TYMP: variants seen among roughly 807,000 people sequenced by gnomAD.
TYMP encodes gliostatin.
A neutral mutation model predicts 42.3 loss-of-function variants in TYMP; 46 were observed. The ratio of observed to expected loss-of-function variants is 1.09; its 90% confidence interval spans 0.86 to 1.39. TYMP has a LOEUF of 1.39. Among genes scored for constraint, TYMP ranks in the 40% most tolerant of loss-of-function variants. The pLI is 0.00. For synonymous variants in TYMP, 363 were observed against 308.0 expected (o/e 1.18, Z -1.87); for missense variants, 837 against 677.6 (o/e 1.24, Z -2.61).
Position 50,525,816 on chromosome 22 carries a change from G to A in TYMP, c.1403C>T (p.Ala468Val). The A allele has an allele frequency of 6.2e-7, 1 of 1,610,328 alleles. No individual in the cohort carries two copies. Among genetic ancestry groups the A allele is most frequent in the Non-Finnish European group, 8.5e-7 (1 of 1,178,880 alleles). The change falls in exon 10 of 10, where the codon GCC becomes GTC. Residue 468 changes from alanine (A) to valine (V), a missense_variant. By Grantham distance (64) the Ala-to-Val change is moderately conservative. Coordinates refer to ENST00000252029, the MANE Select transcript of TYMP (RefSeq NM_001953.5). ...ALVLSDRAPF[A>V]APSPFAELVL... Reference sequence around the variant, plus strand: ...GAGCTCTGCGAAGGGCGAGGGGGCGGCGAATGGCGCGCGGTCGGAGAGTAC... The same window carrying A: ...GAGCTCTGCGAAGGGCGAGGGGGCGACGAATGGCGCGCGGTCGGAGAGTAC...
intron 4 of TYMP, chr22:50,528,044 C>T (rs1378158837): frequency 9.8e-6 from 4 of 408,272 alleles, no homozygotes; most frequent in African/African-American, 2.0e-5. Context: ...CAGGGTCTCA[C>T]TCTGTTGCCC....
chr22:50,528,598 T>C lies in TYMP; in HGVS notation c.430A>G (p.Ser144Gly). The C allele has an allele frequency of 1.2e-6, 2 of 1,613,670 alleles. No homozygotes were observed. The highest frequency in any genetic ancestry group is 2.2e-5 in the South Asian group (2 of 91,000). ...CCTGTGTGCCCCAGACCACGTCCGCTGATCATTGGCACCTGGTGGTCAGGG... is the reference window on the plus strand; with the variant it reads ...CCTGTGTGCCCCAGACCACGTCCGCCGATCATTGGCACCTGGTGGTCAGGG... The part of the protein sequence containing the change: ...AACGCKVPMI[S>G]GRGLGHTGGT... The change falls in exon 4 of 10, where the codon AGC becomes GGC. Residue 144 changes from serine (S) to glycine (G), a missense_variant. Physicochemically the swap from Ser to Gly is moderately conservative, Grantham distance 56. Coordinates refer to ENST00000252029, the MANE Select transcript of TYMP (RefSeq NM_001953.5).
Position 50,525,759 on chromosome 22 carries a change from G to A in TYMP, c.*11C>T, listed in dbSNP as rs919656439. On this transcript the variant is annotated 3_prime_UTR_variant, in exon 10 of 10. Transcript: ENST00000252029. ...GCCCAAGCACTGACAAGGTTTCGCG[G>A]CAAAGGAGCTTTATTGCTGCGGCGG... The A allele has an allele frequency of 5.6e-6, 9 of 1,609,676 alleles. No homozygotes were observed. The highest frequency in any genetic ancestry group is 2.2e-5 in the East Asian group (1 of 44,744).
intron 6 of TYMP, 25 bp downstream of exon 6, chr22:50,527,140 C>A: frequency 6.3e-7 from 1 of 1,588,502 alleles, no homozygotes; most frequent in Non-Finnish European, 8.6e-7. Flanking sequence ...AAGACGCTTG[C>A]CCAGGGAAAG....
chr22:50,527,156 A>C lies in TYMP; in HGVS notation c.765+9T>G. On this transcript the variant is annotated intron_variant, in intron 6 of 9. Coordinates refer to ENST00000252029, the MANE Select transcript of TYMP (RefSeq NM_001953.5). ...AGACGCTTGCCCAGGGAAAGGCCAC[A>C]CCGCTCACCAGCGTCTTTGCCAGCT... 6.2e-7 allele frequency: 1 copy of C among 1,609,404 alleles called. No individual in the cohort carries two copies. Among genetic ancestry groups the C allele is most frequent in the Non-Finnish European group, 8.5e-7 (1 of 1,177,624 alleles).
chr22:50,526,516 G>A, intron 7 of TYMP, 40 bp from the exon 8 acceptor site: 1 of 1,533,220 alleles, frequency 6.5e-7, no homozygotes, highest in East Asian at 2.5e-5. Flanking sequence ...CCGGGTCGGG[G>A]CGGCCCCAGC....
At chr22:50,527,915 C>G in intron 4 of TYMP, 198 bp from the exon 5 acceptor site, 2 of 626,070 alleles carry the variant, frequency 3.2e-6, no homozygotes, top group South Asian at 3.9e-5. Context: ...GCTGGGACTA[C>G]AGGTGCGCAC....
intron 2 of TYMP, 40 bp from the exon 3 acceptor site, chr22:50,529,378 C>A: frequency 1.2e-6 from 2 of 1,609,022 alleles, no homozygotes; most frequent in Admixed American, 1.7e-5. Flanking sequence ...CAGCCCACAG[C>A]GGTGGGGCAC....
chr22:50,525,961 G>A lies in TYMP; in HGVS notation c.1300+40C>T, dbSNP rs764518504. ...GTTAGAGGCCGCGCGGCCGGAGCTG[G>A]GCGGGGGTGCGGGGCCAGCAGGGCG... On this transcript the variant is annotated intron_variant, in intron 9 of 9. Coordinates refer to ENST00000252029, the MANE Select transcript of TYMP (RefSeq NM_001953.5). 7 of 1,395,214 alleles carry A rather than the reference G, an allele frequency of 5.0e-6. No individual in the cohort carries two copies. In the East Asian group the frequency reaches 1.5e-4, roughly 30 times the overall value. The allele number at this position is 1,395,214 out of a possible 1,614,324, so 86.4% of individuals were successfully genotyped here.
At chr22:50,527,321 A>C in intron 5 of TYMP, 38 bp from the exon 6 acceptor site, 3 of 1,542,380 alleles carry the variant, frequency 1.9e-6, no homozygotes, top group Non-Finnish European at 2.7e-6. Context: ...ACAATGGAGA[A>C]CCTGGAGCTT....
Position 50,526,637 on chromosome 22 carries a change from C to T in TYMP, c.867G>A (p.Glu289=), listed in dbSNP as rs780319410. Residue 289 remains glutamate, a synonymous_variant, in exon 7 of 10, where the codon GAG becomes GAA. Transcript: ENST00000252029. ...CTGCGCCGTCCATGCAGAGCAGCGCCTCCTCCACCTCCAGGGCGTGGCCCA... is the reference window on the plus strand; with the variant it reads ...CTGCGCCGTCCATGCAGAGCAGCGCTTCCTCCACCTCCAGGGCGTGGCCCA... ...RCVGHALEVE[E]ALLCMDGAGP... The T allele has an allele frequency of 8.9e-6, 14 of 1,570,508 alleles. No homozygotes were observed. Among genetic ancestry groups the T allele is most frequent in the East Asian group, 7.1e-5 (3 of 42,488 alleles).
chr22:50,527,417 C>T (rs747444904), intron 5 of TYMP, 134 bp from the exon 6 acceptor site: 11 of 1,270,812 alleles, frequency 8.7e-6, no homozygotes, highest in South Asian at 1.2e-5. Flanking sequence ...GTGGCAGCAC[C>T]TGGTGGGTTG....
chr22:50,526,480 C>CGGGCGGGGACGGGTCTT lies in TYMP; in HGVS notation c.929-21_929-5dup. 1 of 1,445,726 alleles carries CGGGCGGGGACGGGTCTT rather than the reference C, an allele frequency of 6.9e-7. No individual in the cohort carries two copies. The highest frequency in any genetic ancestry group is 9.1e-7 in the Non-Finnish European group (1 of 1,093,410). 89.6% of individuals were successfully genotyped at this position (1,445,726 alleles called of 1,614,324 possible). A position where few individuals can be genotyped will look rare whatever the true frequency, so the allele number is the denominator to read the frequency against. ...CTGAGCCAGAGCAGGGCGCCCCCTG[C>CGGGCGGGGACGGGTCTT]GGGCGGGGACGGGTCTTAGGCGCGG... On this transcript the variant is annotated splice_region_variant and splice_polypyrimidine_tract_variant and intron_variant, in intron 7 of 9. Coordinates refer to ENST00000252029, the MANE Select transcript of TYMP (RefSeq NM_001953.5).
chr22:50,527,288 G>C lies in TYMP; in HGVS notation c.647-5C>G, dbSNP rs760886129. Reference sequence around the variant, plus strand: ...GTTTCTTACTGAGAATGGAGGCTTTGGGGGAGGCAGAGGAGGTTGGAGACA... The same window carrying C: ...GTTTCTTACTGAGAATGGAGGCTTTCGGGGAGGCAGAGGAGGTTGGAGACA... On this transcript the variant is annotated splice_polypyrimidine_tract_variant and splice_region_variant and intron_variant, in intron 5 of 9. Coordinates refer to ENST00000252029, the MANE Select transcript of TYMP (RefSeq NM_001953.5). 13 of 1,607,132 alleles carry C rather than the reference G, an allele frequency of 8.1e-6. No individual in the cohort carries two copies. In the South Asian group the frequency reaches 1.2e-4, roughly 15 times the overall value.
intron 1 of TYMP, 36 bp from the exon 2 acceptor site, chr22:50,529,755 C>T (rs202144233): frequency 6.4e-7 from 1 of 1,560,224 alleles, no homozygotes; most frequent in South Asian, 1.2e-5. Context: ...GGTCTGCGGC[C>T]TCCCGGCGTC....
At chr22:50,528,979 G>A (rs2069490476) in intron 3 of TYMP, 157 bp downstream of exon 3, 1 of 827,620 alleles carries the variant, frequency 1.2e-6, no homozygotes, top group Non-Finnish European at 2.0e-6. Flanking sequence ...GCTGGGGAAC[G>A]GGGTGGGGAG....
chr22:50,526,055 G>A lies in TYMP; in HGVS notation c.1246C>T (p.Arg416Cys), dbSNP rs896269132. Residue 416 changes from arginine to cysteine, a missense_variant, in exon 9 of 10, where the codon CGC (arginine) becomes TGC (cysteine). Transcript: ENST00000252029. ...AGRSRAGEPL[R>C]LGVGAELLVD... ...AGCAGCTCTGCGCCCACCCCCAGGC[G>A]GAGCGGCTCCCCAGCGCGGCTGCGC... 9 of 1,481,762 alleles carry A rather than the reference G, an allele frequency of 6.1e-6. No homozygotes were observed. Among genetic ancestry groups the A allele is most frequent in the South Asian group, 2.5e-5 (2 of 78,580 alleles). 91.8% of individuals were successfully genotyped at this position (1,481,762 alleles called of 1,614,324 possible). A position where few individuals can be genotyped will look rare whatever the true frequency, so the allele number is the denominator to read the frequency against.
chr22:50,528,829 G>T (rs1014296117), intron 3 of TYMP: 14 of 622,870 alleles, frequency 2.2e-5, no homozygotes, highest in South Asian at 1.8e-4. Flanking sequence ...AAGGCTTGGG[G>T]CAGAGGGAGG....
intron 4 of TYMP, 90 bp from the exon 5 acceptor site, chr22:50,527,807 C>A: frequency 6.5e-7 from 1 of 1,535,760 alleles, no homozygotes; most frequent in Non-Finnish European, 8.8e-7. Flanking sequence ...AAGAGTCTTC[C>A]TCTGTTGCCC....
Sources: gnomAD v4.1 joint callset for allele counts on GRCh38, gnomAD v4.1.1 for gene constraint, MANE v1.5 for transcripts, NCBI Gene and HGNC (gene_info 2026-07-23, HGNC 2026-07-21) for gene names.